The following TOR3A variants were observed in gnomAD, a reference collection of about 807,000 sequenced individuals.
The protein encoded by TOR3A is torsin family 3 member A.
TOR3A carries 44 observed loss-of-function variants against 42.1 expected under a neutral mutation model. The ratio of observed to expected loss-of-function variants is 1.04; its 90% confidence interval spans 0.82 to 1.34. TOR3A has a LOEUF of 1.34. TOR3A is among the 40% of genes most tolerant of loss of function. The probability of loss-of-function intolerance (pLI) is 0.00; values close to 1 mark genes in which losing one functional copy is unlikely to be tolerated. For missense variants in TOR3A, 521 were observed against 507.6 expected, an observed-to-expected ratio of 1.03 and a Z score of -0.25; for synonymous variants, 227 against 213.2, an observed-to-expected ratio of 1.06 and a Z score of -0.57.
intron 4 of TOR3A, among the ~76,000 whole-genome samples, chr1:179,092,086 C>A (rs1445740210): frequency 6.6e-6 from 1 of 152,208 alleles, no homozygotes; most frequent in Non-Finnish European, 1.5e-5. Context: ...ATTAGCACCT[C>A]CCCCTACAAT....
chr1:179,088,982 C>A (rs968466222), intron 4 of TOR3A, among the ~76,000 whole-genome samples: 2 of 152,106 alleles, frequency 1.3e-5, no homozygotes, highest in South Asian at 4.1e-4. Flanking sequence ...GGGGGGGTTT[C>A]CCAAGCTGCA....
chr1:179,089,481 G>A (rs1023731923), intron 4 of TOR3A, among the ~76,000 whole-genome samples: 2 of 152,182 alleles, frequency 1.3e-5, no homozygotes, highest in Non-Finnish European at 2.9e-5. Context: ...TTTTTAAGAG[G>A]AGAGAGAGAT....
At chr1:179,082,867 T>G (rs2274228) in intron 1 of TOR3A, 73 bp from the exon 2 acceptor site, 84,131 of 981,432 alleles carry the variant, frequency 0.086, 3,977 homozygotes, top group African/African-American at 0.095. Flanking sequence ...TGACAAGTTG[T>G]GTGGCAAGGT....
chr1:179,085,876 T>C lies in TOR3A; in HGVS notation c.622T>C (p.Tyr208His). 2 of 1,613,916 alleles carry C rather than the reference T, an allele frequency of 1.2e-6. No homozygotes were observed. Among genetic ancestry groups the C allele is most frequent in the Non-Finnish European group, 1.7e-6 (2 of 1,179,996 alleles). Residue 208 changes from tyrosine to histidine, a missense_variant, in exon 3 of 6, where the codon TAT (tyrosine) becomes CAT (histidine). Coordinates refer to ENST00000367627, the MANE Select transcript of TOR3A (RefSeq NM_022371.4). ...CACGTTCCACTTTCCTCACCCCAAATATGTGGACCTGTACAAGGTGAGGCC... is the reference window on the plus strand; with the variant it reads ...CACGTTCCACTTTCCTCACCCCAAACATGTGGACCTGTACAAGGTGAGGCC... ...IATFHFPHPK[Y>H]VDLYKEQLMS...
At chr1:179,086,365 A>T (rs1652433719) in intron 3 of TOR3A, among the ~76,000 whole-genome samples, 2 of 152,164 alleles carry the variant, frequency 1.3e-5, no homozygotes, top group Non-Finnish European at 2.9e-5. Context: ...CTGCCTTTTT[A>T]AAATTTAAAC....
intron 4 of TOR3A, among the ~76,000 whole-genome samples, chr1:179,090,127 C>T (rs144949981): frequency 0.044 from 6,551 of 148,832 alleles, 531 homozygotes; most frequent in African/African-American, 0.15. Context: ...GGGGGGCCTG[C>T]GGGAAAGCCG....
chr1:179,082,735 C>T, intron 1 of TOR3A: 1 of 704,300 alleles, frequency 1.4e-6, no homozygotes, highest in Non-Finnish European at 2.6e-6. Flanking sequence ...GGAACGTCCG[C>T]TGTGGACATG....
chr1:179,095,590 T>C lies in TOR3A; in HGVS notation c.*372T>C. 4.5e-6 allele frequency: 5 copies of C among 1,108,632 alleles called. No homozygotes were observed. The highest frequency in any genetic ancestry group is 5.5e-6 in the Non-Finnish European group (5 of 906,388). The allele number at this position is 1,108,632 out of a possible 1,614,324, so 68.7% of individuals were successfully genotyped here. On this transcript the variant is annotated 3_prime_UTR_variant, in exon 6 of 6. Coordinates refer to ENST00000367627, the MANE Select transcript of TOR3A (RefSeq NM_022371.4). ...CTCAGCAAATCCCAAGGGCTTATTA[T>C]GACACTCCAGATGGTCTCCTTAGCA... is the stretch of plus-strand genomic sequence containing the variant.
chr1:179,094,154 C>T lies in TOR3A; in HGVS notation c.880C>T (p.Arg294Trp), dbSNP rs768246333. The T allele has an allele frequency of 9.3e-6, 15 of 1,613,878 alleles. No individual in the cohort carries two copies. The East Asian group carries it at 2.0e-4, about 22-fold the overall frequency. Residue 294 changes from arginine (R) to tryptophan (W), a missense_variant, in exon 5 of 6, where the codon CGG becomes TGG. Arg to Trp is a moderately radical substitution (Grantham distance 101). Coordinates refer to ENST00000367627, the MANE Select transcript of TOR3A (RefSeq NM_022371.4). The stretch of plus-strand genomic sequence containing the variant: ...AAAGTTGCTCAAGGCTGGATGGTCC[C>T]GGGAAGAAATTACGATGGAACACCT... ...VLKLLKAGWSREEITMEHLEP... is the reference protein window; with the variant it reads ...VLKLLKAGWSWEEITMEHLEP...
intron 2 of TOR3A, among the ~76,000 whole-genome samples, chr1:179,085,211 G>T (rs1417626260): frequency 6.6e-6 from 1 of 152,186 alleles, no homozygotes; most frequent in Non-Finnish European, 1.5e-5. Context: ...CGGATCTCGA[G>T]GTCAGGAGTT....
At position 179,095,608 on chromosome 1, in the gene TOR3A, C is replaced by T. The variant is rs1652720076; in HGVS notation, c.*390C>T. 1 of 1,064,604 alleles carries T rather than the reference C, an allele frequency of 9.4e-7. No individual in the cohort carries two copies. Among genetic ancestry groups the T allele is most frequent in the Non-Finnish European group, 1.1e-6 (1 of 879,478 alleles). The allele number at this position is 1,064,604 out of a possible 1,614,324, so 65.9% of individuals were successfully genotyped here. A position where few individuals can be genotyped will look rare whatever the true frequency, so the allele number is the denominator to read the frequency against. ...CTTATTATGACACTCCAGATGGTCT[C>T]CTTAGCATCTCAGCTCTTCTGCAAG... On this transcript the variant is annotated 3_prime_UTR_variant, in exon 6 of 6. Coordinates refer to ENST00000367627, the MANE Select transcript of TOR3A (RefSeq NM_022371.4).
chr1:179,090,025 G>GAC (rs1652536692), intron 4 of TOR3A, among the ~76,000 whole-genome samples: 1 of 149,862 alleles, frequency 6.7e-6, no homozygotes, highest in Non-Finnish European at 1.5e-5. Flanking sequence ...CCGTCGACCT[G>GAC]ACAGCACCAC....
Position 179,088,108 on chromosome 1 carries a change from T to G in TOR3A, c.818+19T>G, listed in dbSNP as rs756215718. On this transcript the variant is annotated intron_variant, in intron 4 of 5. Transcript: ENST00000367627. ...TTCTCAGGTGGGTTCTGGGGAACAA[T>G]AGTCAGGAGGGCTGGGGGAGGGGAA... The G allele has an allele frequency of 2.6e-6, 4 of 1,543,210 alleles. No homozygotes were observed. Among genetic ancestry groups the G allele is most frequent in the African/African-American group, 1.4e-5 (1 of 70,192 alleles).
At position 179,082,944 on chromosome 1, in the gene TOR3A, G is replaced by C. The variant is rs151011675; in HGVS notation, c.264G>C (p.Trp88Cys). ...TCACAGCTCCTCCTTTTCCAGGCTG[G>C]CGCCTTCCTCTGTTGGGCCAGCGGT... is the stretch of plus-strand genomic sequence containing the variant. ...DEEAATGPLG[W>C]RLPLLGQRYL... is the part of the protein sequence containing the mutation. Residue 88 changes from tryptophan (W) to cysteine (C), a missense_variant, in exon 2 of 6, where the codon TGG (tryptophan) becomes TGC (cysteine). Trp to Cys is a radical substitution (Grantham distance 215, BLOSUM62 -2). Transcript: ENST00000367627. 4,107 of 1,566,242 alleles carry C rather than the reference G, an allele frequency of 2.6e-3. 8 individuals carry two copies. Among genetic ancestry groups the C allele is most frequent in the Non-Finnish European group, 3.1e-3 (3,638 of 1,156,074 alleles).
rs371757598 is a variant in TOR3A, at chr1:179,085,786, C to T, written c.532C>T (p.Arg178Trp). ...TGGCACAGGCAAGAACTTCGTGGCA[C>T]GGATGCTGGTGGAGAACCTGTATCG... is the stretch of plus-strand genomic sequence containing the variant. ...WSGTGKNFVARMLVENLYRDG... is the reference protein window; with the variant it reads ...WSGTGKNFVAWMLVENLYRDG... The change falls in exon 3 of 6, where the codon CGG (arginine) becomes TGG (tryptophan). Residue 178 changes from arginine to tryptophan, a missense_variant. By Grantham distance (101) the Arg-to-Trp change is moderately radical. Coordinates refer to ENST00000367627, the MANE Select transcript of TOR3A (RefSeq NM_022371.4). The T allele has an allele frequency of 2.8e-5, 45 of 1,614,080 alleles. No individual in the cohort carries two copies. The highest frequency in any genetic ancestry group is 8.0e-5 in the African/African-American group (6 of 74,946).
chr1:179,085,784 C>T lies in TOR3A; in HGVS notation c.530C>T (p.Ala177Val), dbSNP rs773543499. ...TCTGGCACAGGCAAGAACTTCGTGG[C>T]ACGGATGCTGGTGGAGAACCTGTAT... is the stretch of plus-strand genomic sequence containing the variant. ...GWSGTGKNFVARMLVENLYRD... is the reference protein window; with the variant it reads ...GWSGTGKNFVVRMLVENLYRD... The change falls in exon 3 of 6, where the codon GCA (alanine) becomes GTA (valine). Residue 177 changes from alanine (A) to valine (V), a missense_variant. Ala to Val is a moderately conservative substitution (Grantham distance 64). Transcript: ENST00000367627. 1 of 1,614,222 alleles carries T rather than the reference C, an allele frequency of 6.2e-7. No individual in the cohort carries two copies. Among genetic ancestry groups the T allele is most frequent in the South Asian group, 1.1e-5 (1 of 91,090 alleles).
Position 179,082,179 on chromosome 1 carries a change from C to A in TOR3A, c.51C>A (p.Leu17=). Residue 17 remains leucine (L), a synonymous_variant, in exon 1 of 6, where the codon CTC becomes CTA. Transcript: ENST00000367627. The part of the protein sequence containing the change: ...RQLWLFFLLL[L]PGAPEPRGAS... Reference sequence around the variant, plus strand: ...TTTGGCTCTTTTTCCTGCTGCTGCTCCCGGGCGCGCCTGAGCCCCGCGGCG... The same window carrying A: ...TTTGGCTCTTTTTCCTGCTGCTGCTACCGGGCGCGCCTGAGCCCCGCGGCG... 6.6e-7 allele frequency: 1 copy of A among 1,507,602 alleles called. No homozygotes were observed. Among genetic ancestry groups the A allele is most frequent in the Non-Finnish European group, 8.8e-7 (1 of 1,137,140 alleles). 93.4% of individuals were successfully genotyped at this position (1,507,602 alleles called of 1,614,324 possible).
At chr1:179,091,316 G>A (rs143442518) in intron 4 of TOR3A, among the ~76,000 whole-genome samples, 186 of 152,312 alleles carry the variant, frequency 1.2e-3, no homozygotes, top group Non-Finnish European at 2.2e-3. Flanking sequence ...CTGGGAGGCT[G>A]TGGAAGGGAA....
intron 1 of TOR3A, chr1:179,082,599 C>A: frequency 1.3e-6 from 1 of 773,508 alleles, no homozygotes. Context: ...GCGCACCCCC[C>A]TGGCGCCCGG....
Sources: gnomAD v4.1 joint callset for allele counts (sites outside exome capture counted in the v4.1 genomes callset) on GRCh38, gnomAD v4.1.1 for gene constraint, MANE v1.5 for transcripts, NCBI Gene and HGNC (gene_info 2026-07-23, HGNC 2026-07-21) for gene names.